FMN1: variants seen among roughly 807,000 people sequenced by gnomAD.
FMN1 encodes the protein formin 1.
Under a neutral mutation model 132.4 loss-of-function variants are expected in FMN1, and 110 were observed. That is an observed-to-expected ratio of 0.83 (90% CI 0.71 to 0.97). The LOEUF (loss-of-function observed/expected upper bound fraction) is 0.97, where lower values mean the gene tolerates loss of function less well. FMN1 is among the 50% of genes least tolerant of loss of function. The pLI is 0.00. For synonymous variants in FMN1, 722 were observed against 651.7 expected, an observed-to-expected ratio of 1.11 and a Z score of -1.64; for missense variants, 1,792 against 1,705.3, an observed-to-expected ratio of 1.05 and a Z score of -0.90.
At chr15:33,077,809 C>A (rs866725746) in intron 5 of FMN1, among the ~76,000 whole-genome samples, 5,344 of 113,140 alleles carry the variant, frequency 0.047, 344 homozygotes, top group African/African-American at 0.15. Flanking sequence ...AAAAAAAAAA[C>A]ATCAAAAAGT....
At chr15:33,019,113 T>C (rs2141006160) in intron 6 of FMN1, among the ~76,000 whole-genome samples, 1 of 152,276 alleles carries the variant, frequency 6.6e-6, no homozygotes, top group South Asian at 2.1e-4. Flanking sequence ...ATCCTGCTCA[T>C]TGGTCCATTT....
intron 17 of FMN1, among the ~76,000 whole-genome samples, chr15:32,811,661 T>C (rs2057882395): frequency 6.6e-6 from 1 of 150,938 alleles, no homozygotes; most frequent in Non-Finnish European, 1.5e-5. Context: ...TTTTCATCAT[T>C]TTATTTGCTT....
intron 6 of FMN1, among the ~76,000 whole-genome samples, chr15:33,008,751 G>A (rs1283152571): frequency 2.6e-5 from 4 of 152,182 alleles, no homozygotes; most frequent in Non-Finnish European, 4.4e-5. Context: ...TTCTGCTGGC[G>A]AAGCATGCAG....
chr15:32,922,099 C>T (rs1164967517), intron 10 of FMN1, among the ~76,000 whole-genome samples: 1 of 152,124 alleles, frequency 6.6e-6, no homozygotes, highest in Non-Finnish European at 1.5e-5. Flanking sequence ...GCCAATTCTA[C>T]TATAATGTTG....
At chr15:32,860,921 G>C (rs895583244) in intron 16 of FMN1, 3 of 152,088 alleles carry the variant, frequency 2.0e-5, no homozygotes, top group Non-Finnish European at 4.4e-5. Flanking sequence ...ATCCTGATTG[G>C]GTAGTTCTCA....
intron 3 of FMN1, among the ~76,000 whole-genome samples, chr15:33,171,553 T>C (rs1965321724): frequency 6.6e-6 from 1 of 152,220 alleles, no homozygotes; most frequent in Non-Finnish European, 1.5e-5. Context: ...TGCCAACATT[T>C]ATAATATAAG....
chr15:33,122,094 G>A (rs992744645), intron 4 of FMN1, among the ~76,000 whole-genome samples: 2 of 152,174 alleles, frequency 1.3e-5, no homozygotes, highest in African/African-American at 4.8e-5. Context: ...TGGAAGTGCA[G>A]GAAAGGGCCT....
chr15:33,171,500 C>T (rs1257704129), intron 3 of FMN1, among the ~76,000 whole-genome samples: 3 of 150,684 alleles, frequency 2.0e-5, no homozygotes, highest in South Asian at 4.2e-4. Flanking sequence ...TATTATATGT[C>T]GATTAAAAAA....
At chr15:32,862,354 AT>A (rs916859978) in intron 16 of FMN1, among the ~76,000 whole-genome samples, 1 of 152,126 alleles carries the variant, frequency 6.6e-6, no homozygotes, top group Admixed American at 6.6e-5. Flanking sequence ...TCTTTACACA[AT>A]TTTTTGGCAA....
chr15:33,173,647 G>A (rs1334210663), intron 3 of FMN1, among the ~76,000 whole-genome samples: 1 of 152,232 alleles, frequency 6.6e-6, no homozygotes, highest in African/African-American at 2.4e-5. Context: ...TCAGGAAATA[G>A]GCCGGGCACG....
intron 8 of FMN1, among the ~76,000 whole-genome samples, chr15:32,967,445 C>T (rs1455355263): frequency 1.3e-5 from 2 of 152,152 alleles, no homozygotes; most frequent in African/African-American, 4.8e-5. Context: ...TTTGAGAACA[C>T]TAATACGGAA....
chr15:33,055,505 C>G (rs866479225), intron 6 of FMN1, among the ~76,000 whole-genome samples: 1 of 151,924 alleles, frequency 6.6e-6, no homozygotes, highest in Admixed American at 6.6e-5. Context: ...AGCTACAGAA[C>G]AGTGGAACAG....
chr15:33,010,607 GAC>G (rs1257001594), intron 6 of FMN1, among the ~76,000 whole-genome samples: 3 of 151,918 alleles, frequency 2.0e-5, no homozygotes, highest in Admixed American at 1.3e-4. Context: ...TGAGAAAAAA[GAC>G]ACAAAATCTA....
rs76296228 is a variant in FMN1, at chr15:32,942,769, G to A, written c.3139-16508C>T. On this transcript the variant is annotated intron_variant, in intron 9 of 20. Coordinates refer to ENST00000616417, the MANE Select transcript of FMN1 (RefSeq NM_001277313.2). ...CCAGCACAGTCAGTTTTATCCTAGAGCCTGGCAAATAAGCAGAGAGTTTTT... is the reference window on the plus strand; with the variant it reads ...CCAGCACAGTCAGTTTTATCCTAGAACCTGGCAAATAAGCAGAGAGTTTTT... Among the ~76,000 whole-genome samples the A allele has an allele frequency of 8.4e-3, 1,274 of 152,266 alleles. 23 individuals carry two copies. The highest frequency in any genetic ancestry group is 0.029 in the African/African-American group (1,212 of 41,554).
chr15:32,955,427 T>A (rs2061743476), intron 9 of FMN1, among the ~76,000 whole-genome samples: 1 of 152,204 alleles, frequency 6.6e-6, no homozygotes, highest in Non-Finnish European at 1.5e-5. Flanking sequence ...ACATATATGA[T>A]CTTTCCCTAT....
At chr15:33,037,840 A>G (rs1029377951) in intron 6 of FMN1, among the ~76,000 whole-genome samples, 4 of 152,272 alleles carry the variant, frequency 2.6e-5, no homozygotes, top group African/African-American at 7.2e-5. Flanking sequence ...AATAACATGC[A>G]TATTTTTAAG....
chr15:32,858,838 C>T (rs923972699), intron 16 of FMN1, among the ~76,000 whole-genome samples: 6 of 152,130 alleles, frequency 3.9e-5, no homozygotes, highest in Admixed American at 2.6e-4. Flanking sequence ...TTTATAGCTT[C>T]TCTGCTATTA....
rs139038505 is a variant in FMN1, at chr15:32,952,498, C to T, written c.3138+11609G>A. On this transcript the variant is annotated intron_variant, in intron 9 of 20. Transcript: ENST00000616417. ...AATTGGACAGGAAGGAAGCAAACCA[C>T]ACCCAAGGTGAAGGCTCCAAAATCT... 1.1e-4 allele frequency among the ~76,000 whole-genome samples: 17 copies of T among 152,338 alleles called. No individual in the cohort carries two copies. In the East Asian group the frequency reaches 3.1e-3, roughly 28 times the overall value.
chr15:33,125,456 G>A (rs373448170), intron 4 of FMN1, among the ~76,000 whole-genome samples: 2 of 152,004 alleles, frequency 1.3e-5, no homozygotes, highest in Admixed American at 6.6e-5. Flanking sequence ...ATTATTTAAA[G>A]GAAATATCTA....
Sources: gnomAD v4.1 joint callset for allele counts (sites outside exome capture counted in the v4.1 genomes callset) on GRCh38, gnomAD v4.1.1 for gene constraint, MANE v1.5 for transcripts, NCBI Gene and HGNC (gene_info 2026-07-23, HGNC 2026-07-21) for gene names.